LINGO2: variants seen among roughly 807,000 people sequenced by gnomAD.
LINGO2 encodes leucine rich repeat and Ig domain containing 2.
In LINGO2, 14 loss-of-function variants were observed where a neutral mutation model predicts 30.6. The observed-to-expected ratio is 0.46, with a 90% confidence interval of 0.30 to 0.72. The LOEUF is 0.72. Among genes scored for constraint, LINGO2 ranks in the 30% least tolerant of loss-of-function variants. The probability of loss-of-function intolerance (pLI) is 0.07; values close to 1 mark genes in which losing one functional copy is unlikely to be tolerated. For synonymous variants in LINGO2, 317 were observed against 288.5 expected (o/e 1.10, Z -1.00); for missense variants, 729 against 751.7 (o/e 0.97, Z 0.35).
intron 1 of LINGO2, among the ~76,000 whole-genome samples, chr9:28,607,179 G>C (rs1219999354): frequency 6.6e-6 from 1 of 151,946 alleles, no homozygotes; most frequent in Non-Finnish European, 1.5e-5. Context: ...ACTAAACCTT[G>C]ATTTAAAAAG....
chr9:28,403,472 T>C (rs973942748), intron 2 of LINGO2, among the ~76,000 whole-genome samples: 2 of 152,146 alleles, frequency 1.3e-5, no homozygotes, highest in African/African-American at 4.8e-5. Context: ...GAAATGGTAA[T>C]GTATATCATT....
intron 1 of LINGO2, among the ~76,000 whole-genome samples, chr9:28,619,366 T>A (rs1375964300): frequency 6.6e-6 from 1 of 152,160 alleles, no homozygotes; most frequent in Non-Finnish European, 1.5e-5. Context: ...GTTTGGGATT[T>A]AAAGAGATCT....
intron 3 of LINGO2, among the ~76,000 whole-genome samples, chr9:28,324,629 A>C (rs1191837278): frequency 1.3e-5 from 2 of 152,146 alleles, no homozygotes; most frequent in Admixed American, 6.5e-5. Flanking sequence ...TAGCATGCTG[A>C]AAGATACTTC....
chr9:28,311,752 G>C (rs1824630079), intron 3 of LINGO2, among the ~76,000 whole-genome samples: 1 of 152,050 alleles, frequency 6.6e-6, no homozygotes, highest in Non-Finnish European at 1.5e-5. Context: ...TCTACAATTT[G>C]TGCAGTTAAT....
chr9:28,364,353 T>C (rs1351729103), intron 3 of LINGO2, among the ~76,000 whole-genome samples: 1 of 152,110 alleles, frequency 6.6e-6, no homozygotes, highest in South Asian at 2.1e-4. Context: ...TTTTTTTTTT[T>C]TCTCTATGTT....
chr9:28,799,142 A>C, the LINGO2 span, among the ~76,000 whole-genome samples: 1 of 152,150 alleles, frequency 6.6e-6, no homozygotes, highest in South Asian at 2.1e-4. Context: ...TCATAAAAAT[A>C]GTCCACACAT....
At chr9:28,987,890 G>A in the LINGO2 span, among the ~76,000 whole-genome samples, 1 of 152,108 alleles carries the variant, frequency 6.6e-6, no homozygotes, top group Admixed American at 6.6e-5. Flanking sequence ...ATTGTGGTCA[G>A]AAAACATACC....
intron 3 of LINGO2, among the ~76,000 whole-genome samples, chr9:28,335,805 A>G (rs1162045315): frequency 6.6e-6 from 1 of 152,118 alleles, no homozygotes. Flanking sequence ...ATTGGCATGG[A>G]TGTACAACAG....
the LINGO2 span, among the ~76,000 whole-genome samples, chr9:28,861,301 A>G: frequency 7.9e-6 from 1 of 127,142 alleles, no homozygotes; most frequent in Non-Finnish European, 1.6e-5. Context: ...TTTATATATT[A>G]TATATTTTAT....
At chr9:28,932,470 T>C in the LINGO2 span, among the ~76,000 whole-genome samples, 2 of 152,332 alleles carry the variant, frequency 1.3e-5, no homozygotes, top group African/African-American at 4.8e-5. Flanking sequence ...TACTATTTAT[T>C]GAGAACTTAT....
chr9:28,120,366 G>C (rs1252491705), intron 4 of LINGO2, among the ~76,000 whole-genome samples: 1 of 152,122 alleles, frequency 6.6e-6, no homozygotes, highest in Non-Finnish European at 1.5e-5. Flanking sequence ...TATTTGTATA[G>C]CTAACAATCT....
chr9:29,103,303 T>G, the LINGO2 span, among the ~76,000 whole-genome samples: 1 of 152,080 alleles, frequency 6.6e-6, no homozygotes, highest in Non-Finnish European at 1.5e-5. Flanking sequence ...TTATAAAGAA[T>G]GCACTTGTTA....
chr9:28,442,197 T>C (rs1824226530), intron 2 of LINGO2, among the ~76,000 whole-genome samples: 1 of 152,134 alleles, frequency 6.6e-6, no homozygotes. Context: ...CTTTTCATTT[T>C]TGTTTATTTC....
At position 28,632,014 on chromosome 9, in the gene LINGO2, G is replaced by A. The variant is rs1826965505; in HGVS notation, c.-365+38186C>T. On this transcript the variant is annotated intron_variant, in intron 1 of 5. Coordinates refer to ENST00000379992, the Ensembl canonical transcript of LINGO2. ...TAAACAGATTTAGTTAGAGCCAAGG[G>A]TGGCAAATAGATGTCAACATCCAGT... Among the ~76,000 whole-genome samples the A allele has an allele frequency of 2.0e-5, 3 of 152,112 alleles. No individual in the cohort carries two copies. In the South Asian group the frequency reaches 6.2e-4, roughly 32 times the overall value.
At chr9:28,969,619 T>C in the LINGO2 span, among the ~76,000 whole-genome samples, 34 of 152,158 alleles carry the variant, frequency 2.2e-4, no homozygotes, top group Non-Finnish European at 4.0e-4. Context: ...AATAATTCAT[T>C]ACCCTGTTCC....
chr9:28,180,229 C>T (rs904293897), intron 4 of LINGO2, among the ~76,000 whole-genome samples: 3 of 152,114 alleles, frequency 2.0e-5, no homozygotes, highest in African/African-American at 7.2e-5. Context: ...CTATCTCCCT[C>T]AGGTGAACTT....
the LINGO2 span, among the ~76,000 whole-genome samples, chr9:28,873,791 T>C: frequency 2.6e-5 from 4 of 152,148 alleles, no homozygotes; most frequent in South Asian, 2.1e-4. Context: ...AACCTGTTTA[T>C]GCATCTGTGT....
the LINGO2 span, among the ~76,000 whole-genome samples, chr9:29,024,735 C>T: frequency 0.23 from 35,137 of 151,858 alleles, 4,255 homozygotes; most frequent in Admixed American, 0.25. Flanking sequence ...AACCCCTAAC[C>T]CAGTGAGAAA....
the LINGO2 span, among the ~76,000 whole-genome samples, chr9:29,138,359 G>A: frequency 1.9e-3 from 295 of 152,066 alleles, 1 homozygote; most frequent in African/African-American, 6.7e-3. Flanking sequence ...GTACATTCCT[G>A]ACCTTGCCTC....
Sources: allele counts gnomAD v4.1 joint callset (sites outside exome capture counted in the v4.1 genomes callset), GRCh38; gene constraint gnomAD v4.1.1; transcripts MANE v1.5; gene names NCBI Gene and HGNC (gene_info 2026-07-23, HGNC 2026-07-21).